CEP63: variants seen among roughly 807,000 people sequenced by gnomAD.
The protein encoded by CEP63 is centrosomal protein of 63 kDa.
A neutral mutation model predicts 89.1 loss-of-function variants in CEP63; 84 were observed. That is an observed-to-expected ratio of 0.94 (90% confidence interval 0.79 to 1.13). The LOEUF (loss-of-function observed/expected upper bound fraction) is 1.13. CEP63 is among the 50% of genes most tolerant of loss of function. The pLI, the probability that CEP63 is intolerant of heterozygous loss-of-function variation, is 0.00. For missense variants in CEP63, 838 were observed against 813.3 expected, an observed-to-expected ratio of 1.03 and a Z score of -0.37; for synonymous variants, 267 against 272.5, an observed-to-expected ratio of 0.98 and a Z score of 0.20.
At chr3:134,606,814 T>TGCC in the CEP63 span, among the ~76,000 whole-genome samples, 2 of 150,974 alleles carry the variant, frequency 1.3e-5, no homozygotes, top group Non-Finnish European at 2.9e-5. Flanking sequence ...CAGTCCCCTC[T>TGCC]TCCTCCTCCT....
rs74823407 is a variant in CEP63 at position 134,563,963 on chromosome 3, C to T, written c.*2428C>T. The stretch of plus-strand genomic sequence containing the variant: ...GATTGGCGTTTTCCCCCTTGCAGAC[C>T]TGCACTCTGGCATCCTCTCCTGAGC... On this transcript the variant is annotated 3_prime_UTR_variant, in exon 15 of 15. Transcript: ENST00000675561. The T allele has an allele frequency of 6.6e-6, 1 of 152,386 alleles. No homozygotes were observed. The highest frequency in any genetic ancestry group is 1.5e-5 in the Non-Finnish European group (1 of 68,182). 9.4% of individuals were successfully genotyped at this position (152,386 alleles called of 1,614,324 possible). A position where few individuals can be genotyped will look rare whatever the true frequency, so the allele number is the denominator to read the frequency against.
At chr3:134,632,876 G>C in the CEP63 span, among the ~76,000 whole-genome samples, 2 of 151,844 alleles carry the variant, frequency 1.3e-5, no homozygotes, top group Non-Finnish European at 2.9e-5. Context: ...AAAAAAAAGA[G>C]GCAAGACACA....
the CEP63 span, among the ~76,000 whole-genome samples, chr3:134,653,100 G>T: frequency 5.9e-5 from 9 of 152,186 alleles, no homozygotes; most frequent in African/African-American, 2.2e-4. Flanking sequence ...TGGTGTGGAG[G>T]CCTCCTGTCT....
At chr3:134,550,734 G>A (rs989293831) in intron 11 of CEP63, among the ~76,000 whole-genome samples, 2 of 152,182 alleles carry the variant, frequency 1.3e-5, no homozygotes, top group African/African-American at 4.8e-5. Context: ...CGTTAGCCAC[G>A]TAAAGGAGTT....
chr3:134,574,109 G>A (rs1958128907), intron 11 of CEP63, among the ~76,000 whole-genome samples: 1 of 152,182 alleles, frequency 6.6e-6, no homozygotes, highest in African/African-American at 2.4e-5. Context: ...CATTTCCTCT[G>A]CAGAGTTGCA....
chr3:134,615,939 C>A, the CEP63 span, among the ~76,000 whole-genome samples: 2 of 152,210 alleles, frequency 1.3e-5, no homozygotes, highest in African/African-American at 4.8e-5. Flanking sequence ...TGGTGACAAC[C>A]AACTCCCTCA....
downstream of CEP63, among the ~76,000 whole-genome samples, chr3:134,567,690 G>A (rs1957840040): frequency 6.6e-6 from 1 of 152,140 alleles, no homozygotes; most frequent in Non-Finnish European, 1.5e-5. Context: ...CAATATTGTG[G>A]GGCAGAGGGC....
At chr3:134,547,614 C>CTGTTTTTTTTTTTTTTTTTTTTTTT (rs1953745920) in intron 9 of CEP63, 142 bp downstream of exon 9, 1 of 224,274 alleles carries the variant, frequency 4.5e-6, no homozygotes, top group Non-Finnish European at 8.0e-6. Flanking sequence ...GTTCTTATTT[C>CTGTTTTTTTTTTTTTTTTTTTTTTT]TTTTTTTTTT....
At chr3:134,542,186 T>C (rs1952184209) in intron 6 of CEP63, among the ~76,000 whole-genome samples, 3 of 152,340 alleles carry the variant, frequency 2.0e-5, no homozygotes, top group African/African-American at 7.2e-5. Context: ...CTGTAAAATA[T>C]TCTTCAAGTT....
At chr3:134,593,156 G>T in the CEP63 span, among the ~76,000 whole-genome samples, 1 of 152,158 alleles carries the variant, frequency 6.6e-6, no homozygotes, top group African/African-American at 2.4e-5. Context: ...TTGCGTCTTG[G>T]ATATGGGATT....
the CEP63 span, chr3:134,620,964 C>A: frequency 5.6e-6 from 4 of 718,832 alleles, no homozygotes; most frequent in Admixed American, 4.5e-5. Context: ...GGCAGAGAAG[C>A]TGGAGGAGAG....
At chr3:134,541,998 T>C (rs1406581759) in intron 6 of CEP63, among the ~76,000 whole-genome samples, 2 of 152,192 alleles carry the variant, frequency 1.3e-5, no homozygotes, top group Admixed American at 6.5e-5. Flanking sequence ...GAAGGCTACT[T>C]TTTCTGTTGC....
chr3:134,683,971 G>A, the CEP63 span, among the ~76,000 whole-genome samples: 12 of 152,080 alleles, frequency 7.9e-5, no homozygotes, highest in African/African-American at 2.9e-4. Flanking sequence ...TCTGGGTGGG[G>A]TCAGGCCCAC....
chr3:134,516,065 A>G (rs1425073014), intron 3 of CEP63, among the ~76,000 whole-genome samples: 2 of 152,170 alleles, frequency 1.3e-5, no homozygotes, highest in Non-Finnish European at 1.5e-5. Context: ...GGCGTTCAGC[A>G]TATGGAGGAT....
chr3:134,711,983 AC>A, the CEP63 span, among the ~76,000 whole-genome samples: 1 of 151,778 alleles, frequency 6.6e-6, no homozygotes, highest in Non-Finnish European at 1.5e-5. Flanking sequence ...CAAACTCCTG[AC>A]CTCAGGTGGT....
intron 2 of CEP63, among the ~76,000 whole-genome samples, chr3:134,503,099 T>C (rs1478250841): frequency 9.2e-6 from 1 of 108,488 alleles, no homozygotes; most frequent in Non-Finnish European, 1.9e-5. Flanking sequence ...GTGATTTCAA[T>C]CTTTTTTTTT....
At chr3:134,764,952 C>A in the CEP63 span, among the ~76,000 whole-genome samples, 1 of 152,148 alleles carries the variant, frequency 6.6e-6, no homozygotes, top group East Asian at 1.9e-4. Flanking sequence ...AATCCTTTAA[C>A]GTTTTCACTC....
chr3:134,596,201 A>C, the CEP63 span, among the ~76,000 whole-genome samples: 1 of 152,214 alleles, frequency 6.6e-6, no homozygotes, highest in Non-Finnish European at 1.5e-5. Context: ...GAACAAATCT[A>C]GATAAAGGAA....
At chr3:134,607,401 C>T in the CEP63 span, 70 of 985,478 alleles carry the variant, frequency 7.1e-5, no homozygotes, top group Non-Finnish European at 8.2e-5. Context: ...GTTGGAGCTC[C>T]CCAGGGGCTC....
Sources: allele counts gnomAD v4.1 joint callset (sites outside exome capture counted in the v4.1 genomes callset), GRCh38; gene constraint gnomAD v4.1.1; transcripts MANE v1.5; gene names NCBI Gene and HGNC (gene_info 2026-07-23, HGNC 2026-07-21).